The following KDM2A variants were observed in gnomAD, a reference collection of about 807,000 sequenced individuals.
KDM2A encodes the protein lysine-specific demethylase 2A.
A neutral mutation model predicts 137.3 loss-of-function variants in KDM2A; 3 were observed. That is an observed-to-expected ratio of 0.02 (90% CI 0.01 to 0.06). The LOEUF (loss-of-function observed/expected upper bound fraction) is 0.06. KDM2A is among the 10% of genes least tolerant of loss of function. The pLI, the probability that KDM2A is intolerant of heterozygous loss-of-function variation, is 1.00. For synonymous variants in KDM2A, 512 were observed against 541.5 expected (o/e 0.95, Z 0.76); for missense variants, 738 against 1,510.6 (o/e 0.49, Z 8.48).
At chr11:67,196,071 G>C (rs1255460064) in intron 5 of KDM2A, 1 of 397,664 alleles carries the variant, frequency 2.5e-6, no homozygotes, top group African/African-American at 2.1e-5. Context: ...CCCCATCCCA[G>C]TTAAGCTGAG....
chr11:67,204,317 A>G (rs1222619833), intron 5 of KDM2A, among the ~76,000 whole-genome samples: 2 of 151,996 alleles, frequency 1.3e-5, no homozygotes, highest in Non-Finnish European at 2.9e-5. Flanking sequence ...TCATCACCCC[A>G]AACAAACTCC....
chr11:67,235,855 C>T (rs892412628), intron 12 of KDM2A, among the ~76,000 whole-genome samples: 2 of 150,596 alleles, frequency 1.3e-5, no homozygotes, highest in African/African-American at 2.4e-5. Flanking sequence ...CCTGACCTTG[C>T]GATCCACCTG....
At chr11:67,122,371 G>A (rs1855616304) in intron 2 of KDM2A, among the ~76,000 whole-genome samples, 1 of 151,998 alleles carries the variant, frequency 6.6e-6, no homozygotes, top group Non-Finnish European at 1.5e-5. Flanking sequence ...TGTCGCCCAC[G>A]CTTGGAGTGC....
At chr11:67,183,718 T>C (rs1438320148) in intron 5 of KDM2A, among the ~76,000 whole-genome samples, 8 of 152,184 alleles carry the variant, frequency 5.3e-5, no homozygotes, top group African/African-American at 7.2e-5. Context: ...ACACAGCTTA[T>C]AGGAGCCAGG....
intron 2 of KDM2A, among the ~76,000 whole-genome samples, chr11:67,153,293 T>C (rs1333435165): frequency 1.3e-5 from 2 of 152,144 alleles, no homozygotes; most frequent in African/African-American, 4.8e-5. Context: ...TGGTGTGTCT[T>C]AATATGCATG....
Position 67,252,847 on chromosome 11 carries a change from T to C in KDM2A, c.2922T>C (p.Asn974=), listed in dbSNP as rs764923219. Residue 974 remains asparagine (N), a synonymous_variant, in exon 18 of 21, where the codon AAT becomes AAC. Transcript: ENST00000529006. ...ISKKQLTWLV[N]RLPGLKDLLL... is the part of the protein sequence containing the mutation. ...AAAAGCAACTGACATGGCTCGTCAA[T>C]AGGCTGCCAGGTAAGTGAGCAGCCC... 51 of 1,605,442 alleles carry C rather than the reference T, an allele frequency of 3.2e-5. No homozygotes were observed. Among genetic ancestry groups the C allele is most frequent in the Non-Finnish European group, 4.1e-5 (48 of 1,173,694 alleles).
intron 5 of KDM2A, among the ~76,000 whole-genome samples, chr11:67,182,253 A>T (rs1178254263): frequency 6.6e-6 from 1 of 152,170 alleles, no homozygotes; most frequent in South Asian, 2.1e-4. Flanking sequence ...GAGTAGAGAA[A>T]TTTCCAGGAA....
chr11:67,245,833 C>G lies in KDM2A; in HGVS notation c.1834-152C>G. The G allele has an allele frequency of 1.1e-6, 1 of 893,722 alleles. No homozygotes were observed. The allele number at this position is 893,722 out of a possible 1,614,324, so 55.4% of individuals were successfully genotyped here. On this transcript the variant is annotated intron_variant, in intron 14 of 20. Coordinates refer to ENST00000529006, the MANE Select transcript of KDM2A (RefSeq NM_012308.3). The surrounding 1 kb of genome is among the most constrained non-coding windows in gnomAD (Gnocchi z 4.1). ...CCTCTTCCCCAGTCATTTTTCCTAC[C>G]CAAAACCTCCGTTCTCTCCACCCTG...
chr11:67,196,562 C>G (rs1397337158), intron 5 of KDM2A: 2 of 436,356 alleles, frequency 4.6e-6, no homozygotes, highest in East Asian at 1.4e-4. Flanking sequence ...GAAGGAAATT[C>G]TGATATATAC....
At chr11:67,219,629 A>G (rs1030721785) in intron 10 of KDM2A, 5 of 233,448 alleles carry the variant, frequency 2.1e-5, no homozygotes, top group Non-Finnish European at 4.2e-5. Context: ...ATCATGGATG[A>G]TTGCAGCCTC....
intron 5 of KDM2A, chr11:67,195,663 A>T (rs945453294): frequency 1.3e-5 from 2 of 158,760 alleles, no homozygotes; most frequent in Non-Finnish European, 2.8e-5. Flanking sequence ...TTCATGCTCT[A>T]TGCAGTCTGT....
intron 2 of KDM2A, among the ~76,000 whole-genome samples, chr11:67,179,177 T>C (rs1857033261): frequency 6.6e-6 from 1 of 152,254 alleles, no homozygotes; most frequent in Admixed American, 6.5e-5. Context: ...TTCATGTGCT[T>C]ATTGTACATT....
intron 5 of KDM2A, among the ~76,000 whole-genome samples, chr11:67,182,245 G>A (rs967374133): frequency 2.0e-5 from 3 of 152,166 alleles, no homozygotes; most frequent in African/African-American, 7.2e-5. Context: ...CCTAAAAGGA[G>A]TAGAGAAATT....
intron 2 of KDM2A, among the ~76,000 whole-genome samples, chr11:67,159,797 G>A (rs145555062): frequency 1.3e-5 from 2 of 152,238 alleles, no homozygotes; most frequent in African/African-American, 4.8e-5. Context: ...ACAATAGTGG[G>A]AATGGATCTG....
At position 67,245,797 on chromosome 11, in the gene KDM2A, G is replaced by C. The variant is rs1299680430; in HGVS notation, c.1834-188G>C. ...ATAAACTAGTCTCTGGTGCCCAGGTGGTTGAGTCCTCCTCTTCCCCAGTCA... is the reference window on the plus strand; with the variant it reads ...ATAAACTAGTCTCTGGTGCCCAGGTCGTTGAGTCCTCCTCTTCCCCAGTCA... On this transcript the variant is annotated intron_variant, in intron 14 of 20. Transcript: ENST00000529006. The surrounding 1 kb of genome is among the most constrained non-coding windows in gnomAD (Gnocchi z 4.1). The C allele has an allele frequency of 1.5e-6, 1 of 662,184 alleles. No individual in the cohort carries two copies. The highest frequency in any genetic ancestry group is 2.5e-6 in the Non-Finnish European group (1 of 398,024). 41.0% of individuals were successfully genotyped at this position (662,184 alleles called of 1,614,324 possible).
chr11:67,198,383 A>T (rs1857533226), intron 5 of KDM2A, among the ~76,000 whole-genome samples: 1 of 150,502 alleles, frequency 6.6e-6, no homozygotes, highest in Non-Finnish European at 1.5e-5. Context: ...TGTAGCCGCC[A>T]TTTTTCCAAT....
intron 15 of KDM2A, among the ~76,000 whole-genome samples, chr11:67,247,062 TATATATA>T (rs1565424152): frequency 9.0e-5 from 3 of 33,332 alleles, no homozygotes; most frequent in African/African-American, 1.4e-4. Context: ...TATATATATA[TATATATA>T]TATTTTTTTT....
chr11:67,252,908 C>T, intron 18 of KDM2A, 51 bp downstream of exon 18: 1 of 1,552,604 alleles, frequency 6.4e-7, no homozygotes, highest in South Asian at 1.2e-5. Context: ...AAGAAGCGGG[C>T]AAGAAAAGTT....
chr11:67,255,259 A>G lies in KDM2A; in HGVS notation c.*204A>G. 1.7e-6 allele frequency: 1 copy of G among 585,876 alleles called. No individual in the cohort carries two copies. Among genetic ancestry groups the G allele is most frequent in the South Asian group, 2.0e-5 (1 of 50,684 alleles). The allele number at this position is 585,876 out of a possible 1,614,324, so 36.3% of individuals were successfully genotyped here. On this transcript the variant is annotated 3_prime_UTR_variant, in exon 21 of 21. Coordinates refer to ENST00000529006, the MANE Select transcript of KDM2A (RefSeq NM_012308.3). Reference sequence around the variant, plus strand: ...CTGCCTGCTCCTCTCCCTCCTAAGGAAAAGGGAGTAGCAGATTGATCTGAG... The same window carrying G: ...CTGCCTGCTCCTCTCCCTCCTAAGGGAAAGGGAGTAGCAGATTGATCTGAG...
Sources: allele counts gnomAD v4.1 joint callset (sites outside exome capture counted in the v4.1 genomes callset), GRCh38; gene constraint gnomAD v4.1.1; non-coding constraint Gnocchi (gnomAD v3.1); transcripts MANE v1.5; gene names NCBI Gene and HGNC (gene_info 2026-07-23, HGNC 2026-07-21).